Variants in ANO3 observed in about 807,000 individuals in gnomAD.
The protein encoded by ANO3 is anoctamin 3.
Under a neutral mutation model 144.8 loss-of-function variants are expected in ANO3, and 99 were observed. The ratio of observed to expected loss-of-function variants is 0.68; its 90% CI spans 0.58 to 0.81. The LOEUF is 0.81. Ranked by LOEUF, ANO3 falls within the 30% of genes least tolerant of loss-of-function variation. The pLI is 0.00. For synonymous variants in ANO3, 414 were observed against 392.6 expected, an observed-to-expected ratio of 1.05 and a Z score of -0.64; for missense variants, 905 against 1,202.2, an observed-to-expected ratio of 0.75 and a Z score of 3.66.
chr11:26,532,729 C>T (rs1352886372), intron 8 of ANO3, among the ~76,000 whole-genome samples: 3 of 152,038 alleles, frequency 2.0e-5, no homozygotes, highest in Non-Finnish European at 2.9e-5. Context: ...CTTCATATGG[C>T]GTAGTCCTTC....
intron 1 of ANO3, among the ~76,000 whole-genome samples, chr11:26,352,964 C>G (rs1486655538): frequency 6.6e-6 from 1 of 152,092 alleles, no homozygotes; most frequent in Non-Finnish European, 1.5e-5. Context: ...GACACCATCA[C>G]AAGAAATAAC....
intron 17 of ANO3, among the ~76,000 whole-genome samples, chr11:26,615,079 T>A (rs1201555192): frequency 6.6e-6 from 1 of 151,176 alleles, no homozygotes; most frequent in African/African-American, 2.4e-5. Context: ...TATATAGGTC[T>A]TGATTTATAA....
intron 17 of ANO3, among the ~76,000 whole-genome samples, chr11:26,602,390 A>G (rs1851822470): frequency 6.6e-6 from 1 of 152,124 alleles, no homozygotes; most frequent in Non-Finnish European, 1.5e-5. Context: ...ATAGCCACAA[A>G]TCATCTTATC....
At chr11:26,603,569 T>A (rs1453651088) in intron 17 of ANO3, among the ~76,000 whole-genome samples, 3 of 152,082 alleles carry the variant, frequency 2.0e-5, no homozygotes, top group Non-Finnish European at 4.4e-5. Context: ...TAGTATCATA[T>A]AAACTATTAA....
At chr11:26,299,989 G>A (rs1469294697) in intron 1 of ANO3, among the ~76,000 whole-genome samples, 2 of 152,070 alleles carry the variant, frequency 1.3e-5, no homozygotes, top group Non-Finnish European at 2.9e-5. Flanking sequence ...TGAAATGAGG[G>A]AATAAAGTAT....
intron 17 of ANO3, among the ~76,000 whole-genome samples, chr11:26,601,939 G>A (rs293956): frequency 0.12 from 17,576 of 152,092 alleles, 1,163 homozygotes; most frequent in Admixed American, 0.21. Flanking sequence ...GGATCTTATA[G>A]TCTAGTGGGG....
At chr11:26,487,515 C>G (rs1402096131) in intron 4 of ANO3, among the ~76,000 whole-genome samples, 1 of 152,018 alleles carries the variant, frequency 6.6e-6, no homozygotes, top group Non-Finnish European at 1.5e-5. Context: ...GTGGAAGTGA[C>G]TTTGGAACTG....
intron 1 of ANO3, among the ~76,000 whole-genome samples, chr11:26,383,530 A>C (rs551771359): frequency 1.7e-5 from 2 of 120,012 alleles, no homozygotes; most frequent in Middle Eastern, 4.2e-3. Flanking sequence ...ACAGCAATAT[A>C]TATAATGGCT....
intron 1 of ANO3, among the ~76,000 whole-genome samples, chr11:26,421,925 C>A (rs1857763638): frequency 6.6e-6 from 1 of 151,928 alleles, no homozygotes; most frequent in African/African-American, 2.4e-5. Flanking sequence ...TAGAGGGGAA[C>A]AACACACACT....
chr11:26,483,044 A>ATT (rs148807054), intron 4 of ANO3, among the ~76,000 whole-genome samples: 4 of 151,222 alleles, frequency 2.6e-5, no homozygotes, highest in African/African-American at 9.7e-5. Flanking sequence ...TAGTGCAGGT[A>ATT]TTTTTTTTTC....
intron 11 of ANO3, among the ~76,000 whole-genome samples, chr11:26,545,761 G>A (rs2134213907): frequency 6.6e-6 from 1 of 151,570 alleles, no homozygotes; most frequent in East Asian, 1.9e-4. Context: ...GATGTGTGAT[G>A]GGGAGTTACC....
At chr11:26,555,463 T>G (rs1850057417) in intron 13 of ANO3, among the ~76,000 whole-genome samples, 2 of 152,180 alleles carry the variant, frequency 1.3e-5, no homozygotes, top group South Asian at 4.1e-4. Context: ...AAGGAAACAC[T>G]ACATCTAGGT....
At chr11:26,282,644 G>A (rs1853706137) in intron 1 of ANO3, among the ~76,000 whole-genome samples, 3 of 151,908 alleles carry the variant, frequency 2.0e-5, no homozygotes, top group African/African-American at 7.2e-5. Flanking sequence ...TCATCTACAT[G>A]ACTAAAAAGA....
intron 24 of ANO3, among the ~76,000 whole-genome samples, chr11:26,650,844 CT>C (rs1440525113): frequency 6.6e-6 from 1 of 152,088 alleles, no homozygotes; most frequent in Non-Finnish European, 1.5e-5. Flanking sequence ...ACTGAGCAAA[CT>C]TTTTTCCAAC....
At chr11:26,387,291 G>A (rs1490175928) in intron 1 of ANO3, among the ~76,000 whole-genome samples, 1 of 151,740 alleles carries the variant, frequency 6.6e-6, no homozygotes, top group Non-Finnish European at 1.5e-5. Flanking sequence ...CAGTATTGAT[G>A]AAGGTGATAA....
chr11:26,533,200 G>T (rs906487549), intron 8 of ANO3, among the ~76,000 whole-genome samples: 1 of 152,054 alleles, frequency 6.6e-6, no homozygotes, highest in African/African-American at 2.4e-5. Flanking sequence ...GTAAGAGAGA[G>T]AGCAGCACAT....
chr11:26,266,940 A>C (rs1853323364), intron 1 of ANO3, among the ~76,000 whole-genome samples: 2 of 151,164 alleles, frequency 1.3e-5, no homozygotes, highest in Admixed American at 6.6e-5. Context: ...AGAAAAAAAA[A>C]AATTAGCCAG....
rs181139320 is a variant in ANO3, at chr11:26,429,008, G to C, written c.47-12910G>C. 6.6e-5 allele frequency among the ~76,000 whole-genome samples: 10 copies of C among 152,288 alleles called. No homozygotes were observed. The East Asian group carries it at 1.9e-3, about 29-fold the overall frequency. On this transcript the variant is annotated intron_variant, in intron 1 of 26. Transcript: ENST00000256737. ...CAGAGCTGAGTCGTAGACCTTGCTA[G>C]AAGGGCACAGCCGTGGCTCACTGGG... is the stretch of plus-strand genomic sequence containing the variant.
At chr11:26,460,407 A>C (rs1859345613) in intron 3 of ANO3, among the ~76,000 whole-genome samples, 1 of 75,870 alleles carries the variant, frequency 1.3e-5, no homozygotes, top group African/African-American at 4.3e-5. Flanking sequence ...CAAGAAAGAA[A>C]AAGAAGAAGA....
Sources: allele counts gnomAD v4.1 joint callset (sites outside exome capture counted in the v4.1 genomes callset), GRCh38; gene constraint gnomAD v4.1.1; transcripts MANE v1.5; gene names NCBI Gene and HGNC (gene_info 2026-07-23, HGNC 2026-07-21).